The following GALNT17 variants were observed in gnomAD, a reference collection of about 807,000 sequenced individuals.
The protein encoded by GALNT17 is UDP-GalNAc:polypeptide N-acetylgalactosaminyltransferase-like 3.
A neutral mutation model predicts 63.7 loss-of-function variants in GALNT17; 29 were observed. The ratio of observed to expected loss-of-function variants is 0.46; its 90% CI spans 0.34 to 0.62. The LOEUF is 0.62. GALNT17 is among the 20% of genes least tolerant of loss of function. The pLI, the probability that GALNT17 is intolerant of heterozygous loss-of-function variation, is 0.01. For synonymous variants in GALNT17, 305 were observed against 318.3 expected (o/e 0.96, Z 0.45); for missense variants, 603 against 799.6 (o/e 0.75, Z 2.97).
chr7:71,371,261 T>C (rs1792618500), intron 2 of GALNT17, among the ~76,000 whole-genome samples: 1 of 152,214 alleles, frequency 6.6e-6, no homozygotes, highest in Non-Finnish European at 1.5e-5. Flanking sequence ...TCTAAATCGA[T>C]GTGTTTTTCT....
Position 71,256,944 on chromosome 7 carries a change from A to G in GALNT17, c.239-78606A>G, listed in dbSNP as rs575756559. ...GCAGAGGTAGAGAACATTTTTGAGC[A>G]GGAGAGGGAAGAGTTTTTCTAAAAG... is the stretch of plus-strand genomic sequence containing the variant. On this transcript the variant is annotated intron_variant, in intron 1 of 10. Transcript: ENST00000333538. 3.9e-5 allele frequency among the ~76,000 whole-genome samples: 6 copies of G among 152,306 alleles called. No homozygotes were observed. In the East Asian group the frequency reaches 1.2e-3, roughly 29 times the overall value.
At chr7:71,650,571 C>T (rs940088676) in intron 6 of GALNT17, among the ~76,000 whole-genome samples, 2 of 152,182 alleles carry the variant, frequency 1.3e-5, no homozygotes, top group African/African-American at 4.8e-5. Context: ...TGGACAGACC[C>T]GTCCTCTTCA....
intron 1 of GALNT17, among the ~76,000 whole-genome samples, chr7:71,333,623 C>G (rs1791844926): frequency 6.6e-6 from 1 of 152,094 alleles, no homozygotes; most frequent in African/African-American, 2.4e-5. Context: ...CTCATTGCCT[C>G]CTAAGTAGCT....
At chr7:71,532,023 C>T (rs1788729000) in intron 5 of GALNT17, among the ~76,000 whole-genome samples, 1 of 152,130 alleles carries the variant, frequency 6.6e-6, no homozygotes, top group Admixed American at 6.5e-5. Flanking sequence ...ATGGCAAATG[C>T]TCAGTGCATG....
chr7:71,196,378 G>T (rs1789049354), intron 1 of GALNT17, among the ~76,000 whole-genome samples: 1 of 152,046 alleles, frequency 6.6e-6, no homozygotes, highest in African/African-American at 2.4e-5. Flanking sequence ...GACCTCAGGT[G>T]ATCCACCCGC....
In GALNT17 at chr7:71,464,551, C is replaced by A. The variant is rs1317968519; in HGVS notation, c.962+43446C>A. On this transcript the variant is annotated intron_variant, in intron 5 of 10. Transcript: ENST00000333538. ...AGAAAGAAGCTGTCATACTGTCCCC[C>A]CATCTTCCCTCCCTCAGCACAACCT... 2.0e-5 allele frequency among the ~76,000 whole-genome samples: 3 copies of A among 152,178 alleles called. No individual in the cohort carries two copies. The East Asian group carries it at 5.8e-4, about 29-fold the overall frequency.
chr7:71,545,379 G>A (rs1237326428), intron 5 of GALNT17, among the ~76,000 whole-genome samples: 2 of 152,114 alleles, frequency 1.3e-5, no homozygotes, highest in South Asian at 2.1e-4. Flanking sequence ...TTTTGACAAA[G>A]TCTTGCTCTG....
At chr7:71,263,185 C>G (rs887955988) in intron 1 of GALNT17, among the ~76,000 whole-genome samples, 3 of 151,782 alleles carry the variant, frequency 2.0e-5, no homozygotes, top group African/African-American at 7.3e-5. Context: ...TGGTGAAACC[C>G]TGTCTCTACT....
intron 1 of GALNT17, among the ~76,000 whole-genome samples, chr7:71,147,066 T>A (rs1333942246): frequency 2.6e-5 from 4 of 152,190 alleles, no homozygotes; most frequent in African/African-American, 9.6e-5. Context: ...GGGTTCTAGG[T>A]TTACTTTATT....
At chr7:71,305,617 G>A (rs1362084044) in intron 1 of GALNT17, among the ~76,000 whole-genome samples, 1 of 152,158 alleles carries the variant, frequency 6.6e-6, no homozygotes, top group Non-Finnish European at 1.5e-5. Context: ...TGGGTGTTAT[G>A]ACAACGGTGA....
intron 10 of GALNT17, among the ~76,000 whole-genome samples, chr7:71,711,784 G>A (rs1244406321): frequency 1.4e-5 from 2 of 144,908 alleles, no homozygotes; most frequent in Admixed American, 7.0e-5. Context: ...TCTCTCTCCT[G>A]TCTCTTTCTC....
intron 5 of GALNT17, among the ~76,000 whole-genome samples, chr7:71,448,744 A>AT (rs759811307): frequency 6.6e-6 from 1 of 152,206 alleles, no homozygotes; most frequent in Non-Finnish European, 1.5e-5. Context: ...ATGCATTACT[A>AT]TTTGATTCTT....
chr7:71,461,994 C>A (rs1480349502), intron 5 of GALNT17, among the ~76,000 whole-genome samples: 1 of 152,188 alleles, frequency 6.6e-6, no homozygotes, highest in Non-Finnish European at 1.5e-5. Context: ...ATTTGACTCC[C>A]CTGTCTGGCC....
intron 2 of GALNT17, among the ~76,000 whole-genome samples, chr7:71,345,738 T>C (rs950840650): frequency 6.6e-6 from 1 of 152,148 alleles, no homozygotes; most frequent in Admixed American, 6.5e-5. Flanking sequence ...CATGGCTCAA[T>C]ACCCAACTCA....
intron 5 of GALNT17, among the ~76,000 whole-genome samples, chr7:71,463,995 T>A (rs1787495215): frequency 6.6e-6 from 1 of 152,140 alleles, no homozygotes; most frequent in Non-Finnish European, 1.5e-5. Context: ...AGCCAGTAGG[T>A]CTCAGCCTTA....
At chr7:71,575,524 G>A (rs28463816) in intron 6 of GALNT17, among the ~76,000 whole-genome samples, 18,174 of 151,958 alleles carry the variant, frequency 0.12, 1,817 homozygotes, top group African/African-American at 0.28. Context: ...GAGTAGCTGG[G>A]ACTACAGGTG....
intron 1 of GALNT17, among the ~76,000 whole-genome samples, chr7:71,266,432 C>T (rs940644341): frequency 6.6e-6 from 1 of 152,172 alleles, no homozygotes; most frequent in Non-Finnish European, 1.5e-5. Flanking sequence ...CTTTCTCTAT[C>T]TCTCTCCTGC....
chr7:71,248,309 C>G (rs1373521734), intron 1 of GALNT17, among the ~76,000 whole-genome samples: 1 of 152,178 alleles, frequency 6.6e-6, no homozygotes, highest in African/African-American at 2.4e-5. Context: ...AGGTCCCCCC[C>G]TCAACACGTG....
chr7:71,425,486 T>C (rs1233173414), intron 5 of GALNT17, among the ~76,000 whole-genome samples: 1 of 152,112 alleles, frequency 6.6e-6, no homozygotes, highest in Non-Finnish European at 1.5e-5. Flanking sequence ...CCTCCCAAAG[T>C]GCTAGGATTA....
Sources: gnomAD v4.1 joint callset for allele counts (sites outside exome capture counted in the v4.1 genomes callset) on GRCh38, gnomAD v4.1.1 for gene constraint, MANE v1.5 for transcripts, NCBI Gene and HGNC (gene_info 2026-07-23, HGNC 2026-07-21) for gene names.